LHPP: variants seen among roughly 807,000 people sequenced by gnomAD.
LHPP encodes the protein hLHPP.
A neutral mutation model predicts 30.3 loss-of-function variants in LHPP; 24 were observed. That is an observed-to-expected ratio of 0.79 (90% confidence interval 0.57 to 1.11). LHPP has a LOEUF of 1.11. Ranked by LOEUF, LHPP falls within the 50% of genes most tolerant of loss-of-function variation. The pLI is 0.00. For missense variants in LHPP, 356 were observed against 367.2 expected (o/e 0.97, Z 0.25); for synonymous variants, 150 against 157.1 (o/e 0.95, Z 0.34).
chr10:124,555,367 C>T (rs1205040264), intron 6 of LHPP, among the ~76,000 whole-genome samples: 1 of 152,204 alleles, frequency 6.6e-6, no homozygotes, highest in Non-Finnish European at 1.5e-5. Context: ...AGGCACAGCT[C>T]CTCCCTGGAG....
intron 6 of LHPP, among the ~76,000 whole-genome samples, chr10:124,555,504 C>T (rs1453957039): frequency 6.6e-6 from 1 of 151,672 alleles, no homozygotes; most frequent in Non-Finnish European, 1.5e-5. Flanking sequence ...CCTGTGTCCC[C>T]GTCTGATCTC....
At chr10:124,474,436 G>A (rs987356210) in intron 1 of LHPP, among the ~76,000 whole-genome samples, 2 of 152,034 alleles carry the variant, frequency 1.3e-5, no homozygotes, top group Non-Finnish European at 2.9e-5. Flanking sequence ...CACCGTGCCC[G>A]GCCATATGAA....
chr10:124,480,575 C>T (rs941509656), intron 1 of LHPP, among the ~76,000 whole-genome samples: 1 of 152,196 alleles, frequency 6.6e-6, no homozygotes, highest in Admixed American at 6.5e-5. Context: ...CTCAACTGCT[C>T]CATTAACTTG....
chr10:124,573,771 C>T (rs1948619072), intron 6 of LHPP, among the ~76,000 whole-genome samples: 1 of 152,134 alleles, frequency 6.6e-6, no homozygotes, highest in Non-Finnish European at 1.5e-5. Context: ...GAACAGTGTG[C>T]CCAGGTGAGA....
intron 6 of LHPP, among the ~76,000 whole-genome samples, chr10:124,529,803 ACACACACACG>A: frequency 7.4e-6 from 1 of 135,156 alleles, no homozygotes; most frequent in South Asian, 2.8e-4. Flanking sequence ...ACATACACAC[ACACACACACG>A]CACACACACA....
At chr10:124,467,422 A>G (rs563213310) in intron 1 of LHPP, among the ~76,000 whole-genome samples, 2 of 151,964 alleles carry the variant, frequency 1.3e-5, no homozygotes, top group East Asian at 3.9e-4. Flanking sequence ...GGCGGGAACC[A>G]TGATGGCTCA....
intron 1 of LHPP, among the ~76,000 whole-genome samples, chr10:124,465,600 C>T (rs1046724293): frequency 6.6e-5 from 10 of 152,184 alleles, no homozygotes; most frequent in Non-Finnish European, 1.0e-4. Flanking sequence ...AGAGAGGCTC[C>T]GCCTTACTCA....
intron 2 of LHPP, among the ~76,000 whole-genome samples, chr10:124,485,373 G>A (rs920391553): frequency 6.6e-6 from 1 of 151,996 alleles, no homozygotes; most frequent in Non-Finnish European, 1.5e-5. Flanking sequence ...CCGCTTGGAG[G>A]GTGGCCTTGG....
chr10:124,555,750 C>CA (rs145887986), intron 6 of LHPP, among the ~76,000 whole-genome samples: 19 of 151,280 alleles, frequency 1.3e-4, no homozygotes, highest in African/African-American at 3.1e-4. Context: ...CTTTATTTTT[C>CA]AAAAAAAAAT....
rs1246936124 is a variant in LHPP at position 124,478,809 on chromosome 10, C to G, written c.126-5330C>G. Among the ~76,000 whole-genome samples, 5 of 152,218 alleles carry G rather than the reference C, an allele frequency of 3.3e-5. No individual in the cohort carries two copies. The East Asian group carries it at 9.6e-4, about 29-fold the overall frequency. On this transcript the variant is annotated intron_variant, in intron 1 of 6. Transcript: ENST00000368842. This position sits in a 1 kb window ranked among gnomAD's most constrained non-coding sequence, Gnocchi z 4.7. ...TCAGGCCGGGTGCCATGGCTCACGCCTGTAATTCCAGCACTTTGGGAGGCC... is the reference window on the plus strand; with the variant it reads ...TCAGGCCGGGTGCCATGGCTCACGCGTGTAATTCCAGCACTTTGGGAGGCC...
Position 124,539,023 on chromosome 10 carries a change from G to A in LHPP, c.716+21752G>A, listed in dbSNP as rs148896966. On this transcript the variant is annotated intron_variant, in intron 6 of 6. Transcript: ENST00000368842. ...GATCAGAGAATAAGCTTGCAGCAAC[G>A]TTGGCAGATGGGCTTCTTCTAGCAG... 3.3e-3 allele frequency among the ~76,000 whole-genome samples: 510 copies of A among 152,306 alleles called. 3 individuals carry two copies. The highest frequency in any genetic ancestry group is 5.9e-3 in the Non-Finnish European group (404 of 68,020).
chr10:124,542,945 T>C (rs1298278759), intron 6 of LHPP, among the ~76,000 whole-genome samples: 2 of 152,164 alleles, frequency 1.3e-5, no homozygotes, highest in South Asian at 2.1e-4. Context: ...TGCCCATGGC[T>C]CTTGCCACAG....
At chr10:124,467,365 A>G (rs1392285439) in intron 1 of LHPP, among the ~76,000 whole-genome samples, 1 of 131,976 alleles carries the variant, frequency 7.6e-6, no homozygotes, top group Admixed American at 8.0e-5. Flanking sequence ...CCGGTGTCTG[A>G]CTGGAACAGC....
intron 5 of LHPP, among the ~76,000 whole-genome samples, chr10:124,506,054 G>T (rs934971058): frequency 1.3e-5 from 2 of 152,034 alleles, no homozygotes; most frequent in African/African-American, 2.4e-5. Context: ...GACCAGCCTG[G>T]GTAACATGGT....
chr10:124,491,510 C>G (rs1953526734), intron 3 of LHPP, among the ~76,000 whole-genome samples: 1 of 152,238 alleles, frequency 6.6e-6, no homozygotes, highest in Non-Finnish European at 1.5e-5. Context: ...ATGAAATAAG[C>G]TGCTGTCCCC....
chr10:124,547,907 TCCCTTTAGAATAATCCACATGG>T (rs1955393278), intron 6 of LHPP, among the ~76,000 whole-genome samples: 1 of 152,090 alleles, frequency 6.6e-6, no homozygotes. Context: ...GGCCACACTG[TCCCTTTAGAATAATCCACATGG>T]CCCTGTCCAG....
At chr10:124,603,586 A>C (rs1252527503) in intron 6 of LHPP, among the ~76,000 whole-genome samples, 1 of 151,730 alleles carries the variant, frequency 6.6e-6, no homozygotes, top group Non-Finnish European at 1.5e-5. Context: ...CTGCCAAGTG[A>C]CTTCAAAGCC....
At chr10:124,511,847 T>C (rs35317738) in intron 5 of LHPP, among the ~76,000 whole-genome samples, 6,705 of 152,288 alleles carry the variant, frequency 0.044, 216 homozygotes, top group Non-Finnish European at 0.063. Context: ...CAGCATGGCG[T>C]GCCCTGGTGA....
chr10:124,610,208 C>T (rs1317149985), intron 6 of LHPP, among the ~76,000 whole-genome samples: 2 of 152,244 alleles, frequency 1.3e-5, no homozygotes, highest in African/African-American at 4.8e-5. Context: ...AGATCGTAGA[C>T]ACCCTGTGTG....
Sources: allele counts gnomAD v4.1 joint callset (sites outside exome capture counted in the v4.1 genomes callset), GRCh38; gene constraint gnomAD v4.1.1; non-coding constraint Gnocchi (gnomAD v3.1); transcripts MANE v1.5; gene names NCBI Gene and HGNC (gene_info 2026-07-23, HGNC 2026-07-21).